Variants in DPP6 observed in about 807,000 individuals in gnomAD.
DPP6 encodes A-type potassium channel modulatory protein DPP6.
In DPP6, 69 loss-of-function variants were observed where a neutral mutation model predicts 122.6. That is an observed-to-expected ratio of 0.56 (90% confidence interval 0.46 to 0.69). The LOEUF (loss-of-function observed/expected upper bound fraction) is 0.69, where lower values mean the gene tolerates loss of function less well. Ranked by LOEUF, DPP6 falls within the 30% of genes least tolerant of loss-of-function variation. The pLI, the probability that DPP6 is intolerant of heterozygous loss-of-function variation, is 0.00. For synonymous variants in DPP6, 418 were observed against 433.1 expected (o/e 0.97, Z 0.43); for missense variants, 928 against 1,116.9 (o/e 0.83, Z 2.41).
At position 154,129,196 on chromosome 7, in the gene DPP6, CT is replaced by C. The variant is rs1207079053; in HGVS notation, c.243+76135del. Among the ~76,000 whole-genome samples, 8 of 152,234 alleles carry C rather than the reference CT, an allele frequency of 5.3e-5. No individual in the cohort carries two copies. The East Asian group carries it at 1.5e-3, about 29-fold the overall frequency. Reference sequence around the variant, plus strand: ...GAAGATTATAGAAGCTGGTCAGGAACTTAATGAACATTTCCTGCAATACACT... The same window carrying C: ...GAAGATTATAGAAGCTGGTCAGGAACTAATGAACATTTCCTGCAATACACT... On this transcript the variant is annotated intron_variant, in intron 1 of 25. Coordinates refer to ENST00000377770, the MANE Select transcript of DPP6 (RefSeq NM_130797.4).
chr7:154,060,738 G>T (rs1474210287), intron 1 of DPP6, among the ~76,000 whole-genome samples: 3 of 135,596 alleles, frequency 2.2e-5, no homozygotes, highest in Middle Eastern at 4.8e-3. Flanking sequence ...CCCCCCGCGA[G>T]GCAGGGACTG....
intron 5 of DPP6, chr7:154,587,507 T>A (rs1563898658): frequency 1.2e-5 from 10 of 846,956 alleles, no homozygotes; most frequent in Non-Finnish European, 1.1e-5. Flanking sequence ...ATATTGTACC[T>A]CTGCTTGAAG....
At chr7:153,816,899 G>A in the DPP6 span, among the ~76,000 whole-genome samples, 1 of 152,126 alleles carries the variant, frequency 6.6e-6, no homozygotes, top group Non-Finnish European at 1.5e-5. Context: ...CTGTAGAGCT[G>A]AGAACATAGC....
chr7:153,917,446 T>C (rs1800375089), intron 1 of DPP6, among the ~76,000 whole-genome samples: 1 of 152,206 alleles, frequency 6.6e-6, no homozygotes, highest in Admixed American at 6.5e-5. Context: ...ATGAAGCAGA[T>C]TGGGTCTGGC....
chr7:153,758,310 G>T, the DPP6 span, among the ~76,000 whole-genome samples: 2 of 152,324 alleles, frequency 1.3e-5, no homozygotes, highest in Non-Finnish European at 2.9e-5. Flanking sequence ...TACCTCTTTT[G>T]TTCTTGAAAA....
chr7:154,753,773 C>T (rs1843520014), intron 8 of DPP6, among the ~76,000 whole-genome samples: 1 of 152,184 alleles, frequency 6.6e-6, no homozygotes, highest in Non-Finnish European at 1.5e-5. Context: ...CAGCCGCCTT[C>T]CGTCTAGGCT....
chr7:154,291,810 T>C (rs1278706536), intron 1 of DPP6, among the ~76,000 whole-genome samples: 2 of 152,262 alleles, frequency 1.3e-5, no homozygotes, highest in African/African-American at 4.8e-5. Flanking sequence ...GGTGAGTTAC[T>C]GACCAGAATG....
chr7:153,782,439 G>A, the DPP6 span, among the ~76,000 whole-genome samples: 3 of 152,166 alleles, frequency 2.0e-5, no homozygotes, highest in Non-Finnish European at 2.9e-5. Context: ...GCAGAACCAA[G>A]AGCATCACAG....
At chr7:154,827,209 C>T (rs1013678855) in intron 16 of DPP6, among the ~76,000 whole-genome samples, 5 of 150,856 alleles carry the variant, frequency 3.3e-5, no homozygotes, top group African/African-American at 4.9e-5. Context: ...GACACACACA[C>T]ACACACACAC....
intron 16 of DPP6, among the ~76,000 whole-genome samples, chr7:154,824,373 G>A (rs1456826845): frequency 1.3e-5 from 2 of 152,140 alleles, no homozygotes; most frequent in Admixed American, 6.5e-5. Flanking sequence ...TCTGCCTCCC[G>A]GGTTCAAGCG....
At chr7:154,468,513 A>G (rs1821983635) in intron 2 of DPP6, among the ~76,000 whole-genome samples, 1 of 152,208 alleles carries the variant, frequency 6.6e-6, no homozygotes, top group Admixed American at 6.5e-5. Context: ...TAGGTAGGGA[A>G]ACATATCAAC....
rs906462787 is a variant in DPP6 at position 153,930,638 on chromosome 7, G to C, written c.51+42904G>C. On this transcript the variant is annotated intron_variant, in intron 1 of 25. Transcript: ENST00000404039. ...AAATCTCTGAGAGAGTAGACTTTGT[G>C]TTCTTACCGAAAGACTTTTTAAAGG... 2.6e-5 allele frequency among the ~76,000 whole-genome samples: 4 copies of C among 152,134 alleles called. No individual in the cohort carries two copies. The South Asian group carries it at 8.3e-4, about 32-fold the overall frequency.
intron 1 of DPP6, among the ~76,000 whole-genome samples, chr7:154,014,933 A>G (rs1440274279): frequency 6.6e-6 from 1 of 152,096 alleles, no homozygotes; most frequent in African/African-American, 2.4e-5. Context: ...GATACTTATT[A>G]AACTCATTCC....
chr7:154,786,217 C>T (rs1797326066), intron 10 of DPP6, among the ~76,000 whole-genome samples: 1 of 152,124 alleles, frequency 6.6e-6, no homozygotes, highest in Non-Finnish European at 1.5e-5. Context: ...TCTCTTTTTT[C>T]ACACATTTGA....
chr7:154,886,661 G>A lies in DPP6; in HGVS notation c.2245+917G>A, dbSNP rs115772911. Among the ~76,000 whole-genome samples the A allele has an allele frequency of 7.0e-3, 1,060 of 152,332 alleles. 11 individuals are homozygous for A. Among genetic ancestry groups the A allele is most frequent in the African/African-American group, 0.024 (1,010 of 41,576 alleles). ...GCTGGCAAGTGAGGTGGAAATGGAGGGGGCTTCCTGCTGCTGGTCCACCGC... is the reference window on the plus strand; with the variant it reads ...GCTGGCAAGTGAGGTGGAAATGGAGAGGGCTTCCTGCTGCTGGTCCACCGC... On this transcript the variant is annotated intron_variant, in intron 22 of 25. Coordinates refer to ENST00000377770, the MANE Select transcript of DPP6 (RefSeq NM_130797.4).
At chr7:154,131,807 C>T (rs1266812611) in intron 1 of DPP6, among the ~76,000 whole-genome samples, 1 of 152,004 alleles carries the variant, frequency 6.6e-6, no homozygotes, top group African/African-American at 2.4e-5. Context: ...TAGAGGTGCT[C>T]AAGGAGAAAA....
At chr7:153,994,819 G>T (rs1797349933) in intron 1 of DPP6, among the ~76,000 whole-genome samples, 1 of 152,072 alleles carries the variant, frequency 6.6e-6, no homozygotes, top group East Asian at 1.9e-4. Context: ...CTAAAATTAT[G>T]CTGTTCATAA....
At chr7:154,147,514 C>A (rs28444620) in intron 1 of DPP6, among the ~76,000 whole-genome samples, 5,673 of 150,770 alleles carry the variant, frequency 0.038, 217 homozygotes, top group African/African-American at 0.13. Context: ...CGGAGTCTTA[C>A]TCTCGCTCAG....
At chr7:154,686,879 A>G (rs949685244) in intron 7 of DPP6, among the ~76,000 whole-genome samples, 1 of 152,298 alleles carries the variant, frequency 6.6e-6, no homozygotes, top group African/African-American at 2.4e-5. Flanking sequence ...TCCAGTCAGC[A>G]TGAAATACAG....
Sources: gnomAD v4.1 joint callset for allele counts (sites outside exome capture counted in the v4.1 genomes callset) on GRCh38, gnomAD v4.1.1 for gene constraint, MANE v1.5 for transcripts, NCBI Gene and HGNC (gene_info 2026-07-23, HGNC 2026-07-21) for gene names.